Variants in PSD3 observed in about 807,000 individuals in gnomAD.
PSD3 encodes pleckstrin and Sec7 domain containing 3.
PSD3 carries 49 observed loss-of-function variants against 105.5 expected under a neutral mutation model. The ratio of observed to expected loss-of-function variants is 0.46; its 90% CI spans 0.37 to 0.59. The LOEUF (loss-of-function observed/expected upper bound fraction) is 0.59, where lower values mean the gene tolerates loss of function less well. Ranked by LOEUF, PSD3 falls within the 20% of genes least tolerant of loss-of-function variation. PSD3 has a pLI of 0.00. For missense variants in PSD3, 1,561 were observed against 1,263.8 expected, an observed-to-expected ratio of 1.24 and a Z score of -3.57; for synonymous variants, 557 against 457.8, an observed-to-expected ratio of 1.22 and a Z score of -2.77.
At chr8:18,945,801 C>G (rs1055140313) in intron 1 of PSD3, among the ~76,000 whole-genome samples, 2 of 152,120 alleles carry the variant, frequency 1.3e-5, no homozygotes, top group Admixed American at 6.5e-5. Flanking sequence ...CATGGTGAAA[C>G]CCCATCTCTA....
At chr8:18,988,788 G>A (rs1825641330) in intron 1 of PSD3, among the ~76,000 whole-genome samples, 3 of 152,172 alleles carry the variant, frequency 2.0e-5, no homozygotes, top group Admixed American at 6.5e-5. Flanking sequence ...ATGCAAATAA[G>A]AGCAGGGAAA....
chr8:19,069,154 A>C (rs1829173326), intron 1 of PSD3, among the ~76,000 whole-genome samples: 1 of 152,232 alleles, frequency 6.6e-6, no homozygotes, highest in Non-Finnish European at 1.5e-5. Flanking sequence ...GCGTGAATGC[A>C]AATGTCATTA....
chr8:19,068,736 T>C (rs748187676), intron 1 of PSD3, among the ~76,000 whole-genome samples: 2 of 149,400 alleles, frequency 1.3e-5, no homozygotes, highest in African/African-American at 5.0e-5. Flanking sequence ...GTTGTGCACA[T>C]GTACCCTAGA....
At chr8:19,021,069 G>A (rs1396741837) in intron 1 of PSD3, among the ~76,000 whole-genome samples, 2 of 152,170 alleles carry the variant, frequency 1.3e-5, no homozygotes, top group African/African-American at 4.8e-5. Flanking sequence ...CCAAAGGAGT[G>A]GATGGTAAAG....
intron 9 of PSD3, among the ~76,000 whole-genome samples, chr8:18,715,954 G>A (rs13250348): frequency 0.69 from 105,555 of 152,154 alleles, 40,536 homozygotes; most frequent in Non-Finnish European, 0.88. Flanking sequence ...GAGGGAGCTG[G>A]CTAACAAAGG....
rs1799474927 is a variant in PSD3 at position 18,527,561 on chromosome 8, A to C, written c.*8182T>G. ...TACATATCAGATGACTCACTTGTCTACAAGGTTTAGATTTACTTGAACAAC... is the reference window on the plus strand; with the variant it reads ...TACATATCAGATGACTCACTTGTCTCCAAGGTTTAGATTTACTTGAACAAC... On this transcript the variant is annotated 3_prime_UTR_variant, in exon 16 of 16. Coordinates refer to ENST00000327040, the MANE Select transcript of PSD3 (RefSeq NM_015310.4). 2 of 152,680 alleles carry C rather than the reference A, an allele frequency of 1.3e-5. No individual in the cohort carries two copies. Among genetic ancestry groups the C allele is most frequent in the African/African-American group, 4.8e-5 (2 of 41,472 alleles). 9.5% of individuals were successfully genotyped at this position (152,680 alleles called of 1,614,324 possible). A position where few individuals can be genotyped will look rare whatever the true frequency, so the allele number is the denominator to read the frequency against.
Position 18,535,804 on chromosome 8 carries a change from T to A in PSD3, c.3083A>T (p.Asn1028Ile), listed in dbSNP as rs753352310. Residue 1028 changes from asparagine to isoleucine, a missense_variant, in exon 16 of 16, where the codon AAC (asparagine) becomes ATC (isoleucine). By Grantham distance (149) the Asn-to-Ile change is moderately radical. Coordinates refer to ENST00000327040, the MANE Select transcript of PSD3 (RefSeq NM_015310.4). ...TCGGTGATCCTTCCTCTCTGACACG[T>A]TACGCTTGACTTTGGCAGTGATTGG... ...TSPITAKVKRNVSERKDHRPE... is the reference protein window; with the variant it reads ...TSPITAKVKRIVSERKDHRPE... The A allele has an allele frequency of 1.2e-6, 2 of 1,614,170 alleles. No individual in the cohort carries two copies. The highest frequency in any genetic ancestry group is 4.5e-5 in the East Asian group (2 of 44,874).
At chr8:18,592,993 C>T (rs974207780) in intron 12 of PSD3, among the ~76,000 whole-genome samples, 3 of 152,158 alleles carry the variant, frequency 2.0e-5, no homozygotes, top group African/African-American at 7.2e-5. Context: ...TAAAGACTTA[C>T]ATGTTAGACC....
chr8:18,766,781 C>A (rs1807037141), intron 8 of PSD3, among the ~76,000 whole-genome samples: 1 of 152,210 alleles, frequency 6.6e-6, no homozygotes, highest in Admixed American at 6.5e-5. Context: ...GACCACTGGG[C>A]TCTAGTTCCC....
intron 11 of PSD3, among the ~76,000 whole-genome samples, chr8:18,613,701 A>C (rs1387138600): frequency 6.6e-6 from 1 of 152,182 alleles, no homozygotes; most frequent in Non-Finnish European, 1.5e-5. Flanking sequence ...TGAAACATAG[A>C]AAACGGCATC....
intron 8 of PSD3, among the ~76,000 whole-genome samples, chr8:18,789,382 T>A (rs527264425): frequency 3.9e-4 from 59 of 152,326 alleles, no homozygotes; most frequent in African/African-American, 1.4e-3. Flanking sequence ...GCAACAATTT[T>A]AAGTGCTATT....
chr8:18,708,877 G>A (rs975018565), intron 9 of PSD3, among the ~76,000 whole-genome samples: 27 of 152,112 alleles, frequency 1.8e-4, no homozygotes, highest in Admixed American at 1.6e-3. Context: ...AGAGCCACAC[G>A]GGGTAAGAGG....
rs1585347047 is a variant in PSD3, at chr8:18,599,245, A to T, written c.2481+1119T>A. On this transcript the variant is annotated intron_variant, in intron 12 of 15. Coordinates refer to ENST00000327040, the MANE Select transcript of PSD3 (RefSeq NM_015310.4). ...ACCAACAGAATGGAACACAGAGCTCAGACAAATTCAACACATATATGGGGG... is the reference window on the plus strand; with the variant it reads ...ACCAACAGAATGGAACACAGAGCTCTGACAAATTCAACACATATATGGGGG... Among the ~76,000 whole-genome samples, 4 of 152,142 alleles carry T rather than the reference A, an allele frequency of 2.6e-5. No homozygotes were observed. The East Asian group carries it at 7.7e-4, about 29-fold the overall frequency.
intron 4 of PSD3, among the ~76,000 whole-genome samples, chr8:18,862,046 C>T (rs1340407460): frequency 2.0e-5 from 3 of 152,076 alleles, no homozygotes; most frequent in Non-Finnish European, 2.9e-5. Context: ...TGTCCATGGC[C>T]GAGTGGCAGA....
intron 1 of PSD3, among the ~76,000 whole-genome samples, chr8:18,979,283 A>G (rs931803201): frequency 2.0e-5 from 3 of 152,112 alleles, no homozygotes; most frequent in Non-Finnish European, 4.4e-5. Context: ...TTTAATTTTT[A>G]TACACTGTAA....
At chr8:18,814,522 G>C (rs763881431) in intron 4 of PSD3, among the ~76,000 whole-genome samples, 1 of 152,120 alleles carries the variant, frequency 6.6e-6, no homozygotes, top group Non-Finnish European at 1.5e-5. Context: ...CCTATACTAA[G>C]TTGCTGCTCT....
intron 14 of PSD3, among the ~76,000 whole-genome samples, chr8:18,567,182 T>G (rs183233309): frequency 4.9e-4 from 74 of 152,288 alleles, no homozygotes; most frequent in African/African-American, 1.6e-3. Flanking sequence ...TTTATAGAAC[T>G]GAATGTGAGA....
chr8:18,692,515 A>G (rs1801026808), intron 9 of PSD3, among the ~76,000 whole-genome samples: 1 of 152,186 alleles, frequency 6.6e-6, no homozygotes, highest in Non-Finnish European at 1.5e-5. Flanking sequence ...ACGGAGGGGT[A>G]AAAGGTAAAA....
chr8:18,829,970 T>TA (rs1813548878), intron 4 of PSD3, among the ~76,000 whole-genome samples: 1 of 152,190 alleles, frequency 6.6e-6, no homozygotes, highest in Admixed American at 6.5e-5. Flanking sequence ...AACTTTATTT[T>TA]ATTTTATTTT....
Sources: gnomAD v4.1 joint callset for allele counts (sites outside exome capture counted in the v4.1 genomes callset) on GRCh38, gnomAD v4.1.1 for gene constraint, MANE v1.5 for transcripts, NCBI Gene and HGNC (gene_info 2026-07-23, HGNC 2026-07-21) for gene names.